The following FBXO25 variants were observed in gnomAD, a reference collection of about 807,000 sequenced individuals.
FBXO25 encodes the protein F-box only protein 25.
Under a neutral mutation model 51.9 loss-of-function variants are expected in FBXO25, and 45 were observed. That is an observed-to-expected ratio of 0.87 (90% CI 0.68 to 1.11). FBXO25 has a LOEUF of 1.11. Among genes scored for constraint, FBXO25 ranks in the 50% most tolerant of loss-of-function variants. FBXO25 has a pLI of 0.00. For missense variants in FBXO25, 507 were observed against 428.5 expected, an observed-to-expected ratio of 1.18 and a Z score of -1.62; for synonymous variants, 199 against 151.0, an observed-to-expected ratio of 1.32 and a Z score of -2.33.
intron 1 of FBXO25, among the ~76,000 whole-genome samples, chr8:408,641 T>G (rs902461384): frequency 6.6e-6 from 1 of 152,242 alleles, no homozygotes; most frequent in African/African-American, 2.4e-5. Context: ...TTATTATTGT[T>G]AAGAAAAAAT....
Position 474,249 on chromosome 8 carries a change from C to T in FBXO25, c.*5445C>T, listed in dbSNP as rs151239873. On this transcript the variant is annotated 3_prime_UTR_variant, in exon 10 of 10. Coordinates refer to ENST00000350302, the MANE Select transcript of FBXO25 (RefSeq NM_183420.2). ...TGGCTTATTTCACTTAGCGTAATGTCCTCAAGGTTTATTCAAGTTGTAGGA... is the reference window on the plus strand; with the variant it reads ...TGGCTTATTTCACTTAGCGTAATGTTCTCAAGGTTTATTCAAGTTGTAGGA... The T allele has an allele frequency of 5.6e-6, 1 of 179,792 alleles. No individual in the cohort carries two copies. Among genetic ancestry groups the T allele is most frequent in the African/African-American group, 2.4e-5 (1 of 41,858 alleles). The allele number at this position is 179,792 out of a possible 1,614,324, so 11.1% of individuals were successfully genotyped here. A position where few individuals can be genotyped will look rare whatever the true frequency, so the allele number is the denominator to read the frequency against.
chr8:417,554 T>C (rs1311460217), intron 2 of FBXO25, among the ~76,000 whole-genome samples: 3 of 152,198 alleles, frequency 2.0e-5, no homozygotes, highest in Non-Finnish European at 4.4e-5. Context: ...TTAACTGATA[T>C]AACATCTAAA....
At chr8:436,637 C>A (rs541244276) in intron 5 of FBXO25, among the ~76,000 whole-genome samples, 1 of 152,194 alleles carries the variant, frequency 6.6e-6, no homozygotes, top group African/African-American at 2.4e-5. Flanking sequence ...TATTTACACA[C>A]TGGCCAGCAG....
At chr8:435,773 A>T (rs1585045016) in intron 5 of FBXO25, 66 bp downstream of exon 5, 7 of 1,549,384 alleles carry the variant, frequency 4.5e-6, no homozygotes, top group African/African-American at 4.2e-5. Flanking sequence ...GAAGATTGTA[A>T]GTGTACAACG....
intron 2 of FBXO25, among the ~76,000 whole-genome samples, chr8:418,011 T>C (rs1425774752): frequency 6.6e-6 from 1 of 152,238 alleles, no homozygotes; most frequent in Non-Finnish European, 1.5e-5. Context: ...TGCATAGTAG[T>C]GTACACAGAT....
chr8:444,777 G>T (rs1798634315), intron 5 of FBXO25, among the ~76,000 whole-genome samples: 1 of 152,102 alleles, frequency 6.6e-6, no homozygotes, highest in South Asian at 2.1e-4. Context: ...GATATATTTA[G>T]ATATACAGAT....
At position 458,554 on chromosome 8, in the gene FBXO25, G is replaced by C; in HGVS notation, c.843+3G>C. On this transcript the variant is annotated splice_donor_region_variant and intron_variant, in intron 8 of 9. Coordinates refer to ENST00000350302, the MANE Select transcript of FBXO25 (RefSeq NM_183420.2). ...AGTACCATTTTGCTGAAAAGCAGGTGAGTGGGATGCAGCAGTCTCCCCTCA... is the reference window on the plus strand; with the variant it reads ...AGTACCATTTTGCTGAAAAGCAGGTCAGTGGGATGCAGCAGTCTCCCCTCA... 1.2e-6 allele frequency: 2 copies of C among 1,613,692 alleles called. No individual in the cohort carries two copies. Among genetic ancestry groups the C allele is most frequent in the Admixed American group, 1.7e-5 (1 of 60,010 alleles).
rs1017389018 is a variant in FBXO25 at position 469,057 on chromosome 8, T to A, written c.*253T>A. The A allele has an allele frequency of 1.2e-4, 50 of 418,018 alleles. No homozygotes were observed. Among genetic ancestry groups the A allele is most frequent in the Non-Finnish European group, 1.8e-4 (43 of 235,996 alleles). The allele number at this position is 418,018 out of a possible 1,614,324, so 25.9% of individuals were successfully genotyped here. On this transcript the variant is annotated 3_prime_UTR_variant, in exon 10 of 10. Transcript: ENST00000350302. ...TATTAAAATGTGAAATTTTGCGTAC[T>A]CTCTCTCTCTATATATATAGTTCAA...
At chr8:412,672 CA>C (rs1796553375) in intron 1 of FBXO25, among the ~76,000 whole-genome samples, 1 of 152,200 alleles carries the variant, frequency 6.6e-6, no homozygotes, top group Admixed American at 6.5e-5. Flanking sequence ...AAGCTTCAAC[CA>C]AACTGAACTA....
chr8:415,940 C>A (rs73669374), intron 2 of FBXO25, among the ~76,000 whole-genome samples: 377 of 152,188 alleles, frequency 2.5e-3, no homozygotes, highest in African/African-American at 8.7e-3. Flanking sequence ...ACTATAGGCG[C>A]TGTTGAGGAT....
intron 9 of FBXO25, among the ~76,000 whole-genome samples, chr8:464,187 C>G (rs191684906): frequency 4.2e-4 from 64 of 152,308 alleles, no homozygotes; most frequent in Non-Finnish European, 7.8e-4. Flanking sequence ...CTCCCAAGCT[C>G]AAGCAATATC....
chr8:451,811 C>G (rs1799119172), intron 7 of FBXO25, among the ~76,000 whole-genome samples: 1 of 152,164 alleles, frequency 6.6e-6, no homozygotes, highest in South Asian at 2.1e-4. Context: ...GTTGCTTCTC[C>G]CAAGTTAGTA....
chr8:408,241 T>C (rs960491734), intron 1 of FBXO25, among the ~76,000 whole-genome samples: 3 of 152,184 alleles, frequency 2.0e-5, no homozygotes, highest in South Asian at 4.1e-4. Flanking sequence ...GAGTTTTCTT[T>C]CCTGTGTTGT....
chr8:416,755 A>G (rs1347115714), intron 2 of FBXO25, among the ~76,000 whole-genome samples: 1 of 152,202 alleles, frequency 6.6e-6, no homozygotes, highest in African/African-American at 2.4e-5. Flanking sequence ...AGTCCACAAT[A>G]TATTAAGGAT....
intron 2 of FBXO25, among the ~76,000 whole-genome samples, chr8:415,446 G>C (rs1302164079): frequency 6.6e-6 from 1 of 152,210 alleles, no homozygotes; most frequent in Admixed American, 6.5e-5. Context: ...TAGTTTGATA[G>C]ACAGAGGATT....
intron 1 of FBXO25, chr8:407,377 G>C (rs1796218483): frequency 1.0e-6 from 1 of 983,786 alleles, no homozygotes. Flanking sequence ...GGGTCCGCGG[G>C]CGCGTCAGGT....
intron 5 of FBXO25, among the ~76,000 whole-genome samples, chr8:449,050 C>T (rs917185912): frequency 1.3e-5 from 2 of 151,930 alleles, no homozygotes; most frequent in Admixed American, 6.6e-5. Flanking sequence ...CATGTAAACA[C>T]ATAACTTTAT....
intron 2 of FBXO25, chr8:420,280 C>T (rs1313359113): frequency 6.6e-6 from 1 of 152,234 alleles, no homozygotes; most frequent in Non-Finnish European, 1.5e-5. Flanking sequence ...AATCACGAAG[C>T]ATCCCAGTGC....
At chr8:463,456 C>G (rs1402029352) in intron 9 of FBXO25, among the ~76,000 whole-genome samples, 1 of 152,184 alleles carries the variant, frequency 6.6e-6, no homozygotes, top group Non-Finnish European at 1.5e-5. Flanking sequence ...CTGCTGGCCC[C>G]CAGCCTGAGG....
Sources: gnomAD v4.1 joint callset for allele counts (sites outside exome capture counted in the v4.1 genomes callset) on GRCh38, gnomAD v4.1.1 for gene constraint, MANE v1.5 for transcripts, NCBI Gene and HGNC (gene_info 2026-07-23, HGNC 2026-07-21) for gene names.